NDUFS4: variants seen among roughly 807,000 people sequenced by gnomAD.
NDUFS4 encodes the protein NADH dehydrogenase [ubiquinone] iron-sulfur protein 4, mitochondrial.
Under a neutral mutation model 24.3 loss-of-function variants are expected in NDUFS4, and 28 were observed. That is an observed-to-expected ratio of 1.15 (90% CI 0.85 to 1.58). The LOEUF (loss-of-function observed/expected upper bound fraction) is 1.58, where lower values mean the gene tolerates loss of function less well. NDUFS4 is among the 40% of genes most tolerant of loss of function. NDUFS4 has a pLI of 0.00. For missense variants in NDUFS4, 223 were observed against 207.9 expected, an observed-to-expected ratio of 1.07 and a Z score of -0.45; for synonymous variants, 93 against 69.7, an observed-to-expected ratio of 1.34 and a Z score of -1.67.
At chr5:53,593,779 A>G (rs79113667) in intron 1 of NDUFS4, among the ~76,000 whole-genome samples, 5,309 of 151,570 alleles carry the variant, frequency 0.035, 149 homozygotes, top group Non-Finnish European at 0.051. Context: ...ATATTTTAAA[A>G]TTTTTCTTGA....
Position 53,601,003 on chromosome 5 carries a change from A to ATT in NDUFS4, c.99-2431_99-2430dup, listed in dbSNP as rs3084744. On this transcript the variant is annotated intron_variant, in intron 1 of 4. Coordinates refer to ENST00000296684, the MANE Select transcript of NDUFS4 (RefSeq NM_002495.4). ...TTATCAGTGCGTTTGTTTATAATAA[A>ATT]TTTTTTTTTTTTTTTTTTTGAGACG... is the stretch of plus-strand genomic sequence containing the variant. Among the ~76,000 whole-genome samples, 114 of 130,700 alleles carry ATT rather than the reference A, an allele frequency of 8.7e-4. 1 individual carries two copies. Among genetic ancestry groups the ATT allele is most frequent in the African/African-American group, 3.2e-3 (111 of 35,006 alleles). 85.7% of individuals were successfully genotyped at this position (130,700 alleles called of 152,430 possible).
intron 1 of NDUFS4, among the ~76,000 whole-genome samples, chr5:53,569,425 A>G (rs1162415139): frequency 6.6e-6 from 1 of 152,092 alleles, no homozygotes; most frequent in Non-Finnish European, 1.5e-5. Context: ...ACCTTTTTAG[A>G]TGTTCAGTGT....
In NDUFS4 at chr5:53,609,717, CAGTT is replaced by C. The variant is rs1473426172; in HGVS notation, c.177+6189_177+6192del. ...TATTGTTTAGTATAGCCACCTTTAT[CAGTT>C]ATCTTATCTAGATCTTCTGGATCAC... On this transcript the variant is annotated intron_variant, in intron 2 of 4. Coordinates refer to ENST00000296684, the MANE Select transcript of NDUFS4 (RefSeq NM_002495.4). Among the ~76,000 whole-genome samples, 4 of 152,282 alleles carry C rather than the reference CAGTT, an allele frequency of 2.6e-5. No individual in the cohort carries two copies. In the South Asian group the frequency reaches 8.3e-4, roughly 32 times the overall value.
chr5:53,669,419 C>A (rs552923333), intron 4 of NDUFS4, among the ~76,000 whole-genome samples: 3 of 152,292 alleles, frequency 2.0e-5, no homozygotes, highest in African/African-American at 7.2e-5. Flanking sequence ...TGTTCTCATT[C>A]TTATCCCTGC....
At chr5:53,666,679 T>G (rs1752522570) in intron 4 of NDUFS4, among the ~76,000 whole-genome samples, 1 of 152,228 alleles carries the variant, frequency 6.6e-6, no homozygotes, top group Admixed American at 6.5e-5. Flanking sequence ...CTCATGCCTG[T>G]AATCCCAGTG....
intron 1 of NDUFS4, among the ~76,000 whole-genome samples, chr5:53,575,729 TGGG>T (rs990760466): frequency 6.6e-6 from 1 of 151,592 alleles, no homozygotes; most frequent in Non-Finnish European, 1.5e-5. Flanking sequence ...TTTGTAGAGA[TGGG>T]GGTTTCACCA....
At chr5:53,664,279 C>A (rs1488321561) in intron 4 of NDUFS4, among the ~76,000 whole-genome samples, 2 of 152,142 alleles carry the variant, frequency 1.3e-5, no homozygotes, top group Non-Finnish European at 2.9e-5. Flanking sequence ...TCCTTCATTT[C>A]AACTTTGGTG....
chr5:53,617,572 C>T (rs540294475), intron 2 of NDUFS4, among the ~76,000 whole-genome samples: 4 of 152,108 alleles, frequency 2.6e-5, no homozygotes, highest in South Asian at 4.2e-4. Context: ...CTTTTTATTC[C>T]GTACTTCTGT....
intron 4 of NDUFS4, among the ~76,000 whole-genome samples, chr5:53,663,486 T>G (rs1389123491): frequency 6.6e-6 from 1 of 152,206 alleles, no homozygotes; most frequent in African/African-American, 2.4e-5. Flanking sequence ...TGTAGGTCAC[T>G]CAGGACTTGC....
At chr5:53,597,679 T>C (rs1750170727) in intron 1 of NDUFS4, among the ~76,000 whole-genome samples, 1 of 152,146 alleles carries the variant, frequency 6.6e-6, no homozygotes, top group South Asian at 2.1e-4. Context: ...TGAGGAAGGA[T>C]ATCAAAGAAG....
Position 53,646,392 on chromosome 5 carries a change from G to T in NDUFS4, c.337G>T (p.Gly113Cys). 1.2e-6 allele frequency: 2 copies of T among 1,613,538 alleles called. No individual in the cohort carries two copies. Among genetic ancestry groups the T allele is most frequent in the Non-Finnish European group, 1.7e-6 (2 of 1,179,630 alleles). The change falls in exon 3 of 5, where the codon GGT becomes TGT. Residue 113 changes from glycine (G) to cysteine (C), a missense_variant. Physicochemically the swap from Gly to Cys is radical, Grantham distance 159. Coordinates refer to ENST00000296684, the MANE Select transcript of NDUFS4 (RefSeq NM_002495.4). ...AGAGCGATGGGAAAATCCTTTGATGGGTTGGGCATCAACGTGAGTACTTTA... is the reference window on the plus strand; with the variant it reads ...AGAGCGATGGGAAAATCCTTTGATGTGTTGGGCATCAACGTGAGTACTTTA... ...TRERWENPLM[G>C]WASTADPLSN...
chr5:53,682,615 T>C (rs887681511), intron 4 of NDUFS4, among the ~76,000 whole-genome samples: 2 of 152,078 alleles, frequency 1.3e-5, no homozygotes, highest in Non-Finnish European at 2.9e-5. Flanking sequence ...TAACCTCTCA[T>C]GGTCCACTTC....
At chr5:53,589,621 A>G (rs1749879909) in intron 1 of NDUFS4, among the ~76,000 whole-genome samples, 1 of 152,160 alleles carries the variant, frequency 6.6e-6, no homozygotes, top group Admixed American at 6.5e-5. Context: ...ACTGAGTGTC[A>G]CCTTGATTGG....
At chr5:53,674,509 G>T (rs1844698) in intron 4 of NDUFS4, among the ~76,000 whole-genome samples, 1 of 152,026 alleles carries the variant, frequency 6.6e-6, no homozygotes, top group Non-Finnish European at 1.5e-5. Context: ...TTAGTATTCT[G>T]TCTTACTTAG....
chr5:53,590,132 G>A (rs1749895917), intron 1 of NDUFS4, among the ~76,000 whole-genome samples: 1 of 152,152 alleles, frequency 6.6e-6, no homozygotes, highest in Non-Finnish European at 1.5e-5. Flanking sequence ...TTAAAAAAAT[G>A]CCAAATAGCT....
intron 1 of NDUFS4, among the ~76,000 whole-genome samples, chr5:53,562,222 T>A (rs1296911091): frequency 6.6e-6 from 1 of 152,188 alleles, no homozygotes; most frequent in Non-Finnish European, 1.5e-5. Context: ...CAGGCTGGGT[T>A]AAGTATTTTT....
Position 53,655,278 on chromosome 5 carries a change from T to TCCCATTTCA in NDUFS4, c.351-3272_351-3264dup, listed in dbSNP as rs564799000. Among the ~76,000 whole-genome samples the TCCCATTTCA allele has an allele frequency of 2.0e-4, 30 of 152,114 alleles. No individual in the cohort carries two copies. The South Asian group carries it at 6.0e-3, about 31-fold the overall frequency. On this transcript the variant is annotated intron_variant, in intron 3 of 4. Transcript: ENST00000296684. ...ACAGCATTTCCAGTATCTCAGAAGT[T>TCCCATTTCA]CCCATTTCATCCCATGCTTTTTTCA...
At chr5:53,602,010 TAAC>T (rs1750339483) in intron 1 of NDUFS4, among the ~76,000 whole-genome samples, 1 of 152,172 alleles carries the variant, frequency 6.6e-6, no homozygotes, top group Non-Finnish European at 1.5e-5. Flanking sequence ...TCAGTTCTAT[TAAC>T]AATTTTAGGC....
rs569881035 is a variant in NDUFS4, at chr5:53,642,823, A to G, written c.178-3410A>G. The stretch of plus-strand genomic sequence containing the variant: ...GGCAGGTCAGCTATCATCTCCTCCA[A>G]AATTTAAAATTGTTGAAGATATGGT... On this transcript the variant is annotated intron_variant, in intron 2 of 4. Transcript: ENST00000296684. Among the ~76,000 whole-genome samples the G allele has an allele frequency of 2.0e-5, 3 of 152,188 alleles. No homozygotes were observed. In the East Asian group the frequency reaches 5.8e-4, roughly 29 times the overall value.
Sources: allele counts gnomAD v4.1 joint callset (sites outside exome capture counted in the v4.1 genomes callset), GRCh38; gene constraint gnomAD v4.1.1; transcripts MANE v1.5; gene names NCBI Gene and HGNC (gene_info 2026-07-23, HGNC 2026-07-21).